MECOM: variants seen among roughly 807,000 people sequenced by gnomAD.
MECOM encodes the protein histone-lysine N-methyltransferase MECOM.
In MECOM, 13 loss-of-function variants were observed where a neutral mutation model predicts 116.3. That is an observed-to-expected ratio of 0.11 (90% CI 0.07 to 0.18). MECOM has a LOEUF of 0.18. Ranked by LOEUF, MECOM falls within the 10% of genes least tolerant of loss-of-function variation. The pLI, the probability that MECOM is intolerant of heterozygous loss-of-function variation, is 1.00. For synonymous variants in MECOM, 528 were observed against 535.2 expected (o/e 0.99, Z 0.19); for missense variants, 1,299 against 1,509.0 (o/e 0.86, Z 2.31).
chr3:169,452,040 T>C (rs2108672623), intron 1 of MECOM, among the ~76,000 whole-genome samples: 1 of 152,116 alleles, frequency 6.6e-6, no homozygotes, highest in South Asian at 2.1e-4. Context: ...TTTTTATATA[T>C]GTGATCCCTC....
chr3:169,425,851 G>A (rs1740572287), intron 1 of MECOM, among the ~76,000 whole-genome samples: 1 of 152,064 alleles, frequency 6.6e-6, no homozygotes, highest in African/African-American at 2.4e-5. Context: ...TCTACAACAT[G>A]GGAAAATGTT....
chr3:169,377,121 C>T (rs908909055), intron 2 of MECOM, among the ~76,000 whole-genome samples: 5 of 152,100 alleles, frequency 3.3e-5, no homozygotes, highest in African/African-American at 1.2e-4. Flanking sequence ...AACTGGCAAG[C>T]CATATGCAGA....
chr3:169,191,734 AAGAAAGAGAAAG>A (rs3076637), intron 2 of MECOM, among the ~76,000 whole-genome samples: 1 of 73,388 alleles, frequency 1.4e-5, no homozygotes, highest in Non-Finnish European at 2.9e-5. Flanking sequence ...GAAAGAAAGA[AAGAAAGAGAAAG>A]AAAGAAAGAA....
At chr3:169,306,518 C>CA (rs1717727025) in intron 2 of MECOM, among the ~76,000 whole-genome samples, 1 of 152,118 alleles carries the variant, frequency 6.6e-6, no homozygotes, top group South Asian at 2.1e-4. Context: ...CCTGTCTCTA[C>CA]AAAAAATACA....
At chr3:169,278,077 T>A (rs1378987805) in intron 2 of MECOM, among the ~76,000 whole-genome samples, 1 of 152,246 alleles carries the variant, frequency 6.6e-6, no homozygotes, top group Admixed American at 6.5e-5. Context: ...TCCAGAAACA[T>A]TCACTGAATG....
At chr3:169,198,533 T>A (rs1748733702) in intron 2 of MECOM, among the ~76,000 whole-genome samples, 1 of 152,000 alleles carries the variant, frequency 6.6e-6, no homozygotes, top group African/African-American at 2.4e-5. Context: ...GATGGCAAAG[T>A]CATTATTTAC....
At chr3:169,503,923 G>C (rs898544647) in intron 1 of MECOM, among the ~76,000 whole-genome samples, 3 of 152,060 alleles carry the variant, frequency 2.0e-5, no homozygotes, top group African/African-American at 7.2e-5. Context: ...AGTGAATATC[G>C]TTCTTGTAAT....
chr3:169,318,272 GGA>G (rs1316023368), intron 2 of MECOM, among the ~76,000 whole-genome samples: 90 of 152,270 alleles, frequency 5.9e-4, no homozygotes, highest in African/African-American at 2.1e-3. Context: ...TACATAAATA[GGA>G]TCTAATTAAA....
chr3:169,534,941 T>C (rs1759164617), intron 1 of MECOM, among the ~76,000 whole-genome samples: 2 of 152,226 alleles, frequency 1.3e-5, no homozygotes, highest in Non-Finnish European at 2.9e-5. Context: ...GGGCAACCTC[T>C]CCATTTAGTC....
chr3:169,601,060 A>G (rs1457587819), intron 1 of MECOM, among the ~76,000 whole-genome samples: 1 of 152,196 alleles, frequency 6.6e-6, no homozygotes, highest in Non-Finnish European at 1.5e-5. Context: ...AGACTTCTCT[A>G]AAGTTATTTG....
intron 1 of MECOM, among the ~76,000 whole-genome samples, chr3:169,581,545 T>C (rs1765126447): frequency 6.6e-6 from 1 of 152,196 alleles, no homozygotes; most frequent in South Asian, 2.1e-4. Flanking sequence ...GAAATGGTGC[T>C]ATAAGACCTG....
rs577645742 is a variant in MECOM at position 169,095,306 on chromosome 3, G to C, written c.2850-61C>G. On this transcript the variant is annotated intron_variant, in intron 12 of 16. Coordinates refer to ENST00000651503, the MANE Select transcript of MECOM (RefSeq NM_004991.4). Reference sequence around the variant, plus strand: ...CATTAAAAGGTATTTCTCAAGACTAGTTAGCCAGCTATCAAAAATCATCTC... The same window carrying C: ...CATTAAAAGGTATTTCTCAAGACTACTTAGCCAGCTATCAAAAATCATCTC... 2.5e-5 allele frequency: 35 copies of C among 1,417,328 alleles called. No individual in the cohort carries two copies. The South Asian group carries it at 4.4e-4, about 18-fold the overall frequency. 87.8% of individuals were successfully genotyped at this position (1,417,328 alleles called of 1,614,324 possible).
intron 3 of MECOM, among the ~76,000 whole-genome samples, chr3:169,140,655 G>A (rs1297476125): frequency 1.4e-5 from 2 of 147,214 alleles, no homozygotes; most frequent in Non-Finnish European, 3.0e-5. Flanking sequence ...TGACAAGAAA[G>A]AAAGCTGCCA....
intron 9 of MECOM, among the ~76,000 whole-genome samples, chr3:169,110,770 T>G (rs1727093697): frequency 6.6e-6 from 1 of 152,148 alleles, no homozygotes; most frequent in Non-Finnish European, 1.5e-5. Flanking sequence ...ATCACCACTC[T>G]TGGGTCCTGT....
At chr3:169,253,250 G>A (rs577117803) in intron 2 of MECOM, among the ~76,000 whole-genome samples, 2 of 152,254 alleles carry the variant, frequency 1.3e-5, no homozygotes, top group South Asian at 4.1e-4. Context: ...TCTGCACCTA[G>A]ACAGTGACTG....
chr3:169,096,342 C>T (rs369220289), intron 12 of MECOM, among the ~76,000 whole-genome samples: 17 of 151,864 alleles, frequency 1.1e-4, no homozygotes, highest in African/African-American at 3.9e-4. Context: ...ACAATCTCGG[C>T]TCGCTGCAAC....
At chr3:169,495,814 T>C (rs1753736835) in intron 1 of MECOM, among the ~76,000 whole-genome samples, 1 of 152,232 alleles carries the variant, frequency 6.6e-6, no homozygotes, top group African/African-American at 2.4e-5. Flanking sequence ...TGTTAATTGA[T>C]GGCTGGCCGC....
At chr3:169,576,732 C>T (rs1212080231) in intron 1 of MECOM, among the ~76,000 whole-genome samples, 1 of 151,584 alleles carries the variant, frequency 6.6e-6, no homozygotes, top group Non-Finnish European at 1.5e-5. Flanking sequence ...TTCAGTGATG[C>T]ATCCAAGGTC....
chr3:169,232,262 G>A (rs1753491305), intron 2 of MECOM, among the ~76,000 whole-genome samples: 1 of 152,040 alleles, frequency 6.6e-6, no homozygotes, highest in Admixed American at 6.6e-5. Context: ...CCATTTTGAG[G>A]CCATTCTACA....
Sources: allele counts gnomAD v4.1 joint callset (sites outside exome capture counted in the v4.1 genomes callset), GRCh38; gene constraint gnomAD v4.1.1; transcripts MANE v1.5; gene names NCBI Gene and HGNC (gene_info 2026-07-23, HGNC 2026-07-21).